The following HSD17B14 variants were observed in gnomAD, a reference collection of about 807,000 sequenced individuals.
HSD17B14 encodes the protein L-fucose dehydrogenase.
In HSD17B14, 32 loss-of-function variants were observed where a neutral mutation model predicts 32.2. The observed-to-expected ratio is 0.99, with a 90% CI of 0.75 to 1.33. The LOEUF (loss-of-function observed/expected upper bound fraction) is 1.33, where lower values mean the gene tolerates loss of function less well. Ranked by LOEUF, HSD17B14 falls within the 40% of genes most tolerant of loss-of-function variation. The probability of loss-of-function intolerance (pLI) is 0.00; values close to 1 mark genes in which losing one functional copy is unlikely to be tolerated. For synonymous variants in HSD17B14, 140 were observed against 155.4 expected (o/e 0.90, Z 0.74); for missense variants, 370 against 366.5 (o/e 1.01, Z -0.08).
At chr19:48,821,320 G>A (rs2035145237) in intron 5 of HSD17B14, among the ~76,000 whole-genome samples, 1 of 152,140 alleles carries the variant, frequency 6.6e-6, no homozygotes, top group African/African-American at 2.4e-5. Flanking sequence ...GCCTCAGAAT[G>A]GATAGATCTT....
rs373446857 is a variant in HSD17B14, at chr19:48,823,064, G to A, written c.370-7923C>T. Among the ~76,000 whole-genome samples, 9 of 152,236 alleles carry A rather than the reference G, an allele frequency of 5.9e-5. No homozygotes were observed. In the South Asian group the frequency reaches 1.7e-3, roughly 28 times the overall value. ...ACAAAGGCAATATGCAAATGTTGTC[G>A]GGATCCTGGTGTGAACAAATCAGCT... On this transcript the variant is annotated intron_variant, in intron 5 of 8. Transcript: ENST00000263278.
intron 5 of HSD17B14, among the ~76,000 whole-genome samples, chr19:48,821,038 A>G: frequency 7.9e-6 from 1 of 126,148 alleles, no homozygotes; most frequent in South Asian, 2.5e-4. Flanking sequence ...TTTTTGACAG[A>G]GTCTCACTCT....
At chr19:48,815,340 C>T (rs1381706204) in intron 5 of HSD17B14, among the ~76,000 whole-genome samples, 199 bp from the exon 6 acceptor site, 1 of 152,118 alleles carries the variant, frequency 6.6e-6, no homozygotes, top group African/African-American at 2.4e-5. Context: ...TCTCAGCACT[C>T]AAGGAGTCTC....
chr19:48,815,666 A>G (rs1568516826), intron 5 of HSD17B14, among the ~76,000 whole-genome samples: 1 of 151,936 alleles, frequency 6.6e-6, no homozygotes, highest in South Asian at 2.1e-4. Flanking sequence ...ACGAGGCATC[A>G]CACCCAGCCA....
chr19:48,836,178 A>C (rs1300373053), intron 1 of HSD17B14, 146 bp downstream of exon 1: 8 of 828,930 alleles, frequency 9.7e-6, no homozygotes, highest in Non-Finnish European at 1.5e-5. Flanking sequence ...CTACAGCGCC[A>C]CACGCTTACT....
At chr19:48,823,719 C>T (rs1010671040) in intron 5 of HSD17B14, among the ~76,000 whole-genome samples, 3 of 150,814 alleles carry the variant, frequency 2.0e-5, no homozygotes, top group African/African-American at 7.3e-5. Context: ...CCACTGCAAC[C>T]TCCACCTCCC....
At position 48,813,339 on chromosome 19, in the gene HSD17B14, G is replaced by A. The variant is rs751179504; in HGVS notation, c.649C>T (p.Arg217Cys). The A allele has an allele frequency of 5.7e-6, 9 of 1,580,658 alleles. No homozygotes were observed. Among genetic ancestry groups the A allele is most frequent in the African/African-American group, 1.3e-5 (1 of 74,280 alleles). ...REGMLAQPLG[R>C]MGQPAEVGAA... Reference sequence around the variant, plus strand: ...CCGACCTCAGCGGGCTGGCCCATGCGGCCCAGTGGCTGGGGAGAAAAGAGG... The same window carrying A: ...CCGACCTCAGCGGGCTGGCCCATGCAGCCCAGTGGCTGGGGAGAAAAGAGG... Residue 217 changes from arginine (R) to cysteine (C), a missense_variant, in exon 9 of 9, where the codon CGC becomes TGC. Coordinates refer to ENST00000263278, the MANE Select transcript of HSD17B14 (RefSeq NM_016246.3).
chr19:48,834,265 A>G lies in HSD17B14; in HGVS notation c.210+11T>C, dbSNP rs773830000. On this transcript the variant is annotated intron_variant, in intron 3 of 8. Transcript: ENST00000263278. ...AGCGGAGATGGGGGTAGGAACAGGAACTCGGCTTACCTTCACATCATCTTC... is the reference window on the plus strand; with the variant it reads ...AGCGGAGATGGGGGTAGGAACAGGAGCTCGGCTTACCTTCACATCATCTTC... The G allele has an allele frequency of 1.9e-6, 3 of 1,610,876 alleles. No homozygotes were observed. In the Admixed American group the frequency reaches 5.0e-5, roughly 27 times the overall value.
intron 1 of HSD17B14, 31 bp from the exon 2 acceptor site, chr19:48,835,874 CG>C: frequency 6.2e-7 from 1 of 1,611,558 alleles, no homozygotes; most frequent in Non-Finnish European, 8.5e-7. Flanking sequence ...GGTTACTCTC[CG>C]AGCCTTGGTT....
At chr19:48,814,961 C>T (rs1044357432) in intron 6 of HSD17B14, 76 bp downstream of exon 6, 1 of 1,123,742 alleles carries the variant, frequency 8.9e-7, no homozygotes, top group African/African-American at 1.5e-5. Flanking sequence ...AGGTCTGGCT[C>T]CTAAGTTGTC....
At position 48,815,128 on chromosome 19, in the gene HSD17B14, T is replaced by C. The variant is rs1408776850; in HGVS notation, c.383A>G (p.Tyr128Cys). 6.2e-7 allele frequency: 1 copy of C among 1,613,654 alleles called. No individual in the cohort carries two copies. The highest frequency in any genetic ancestry group is 8.5e-7 in the Non-Finnish European group (1 of 1,179,796). The change falls in exon 6 of 9, where the codon TAC (tyrosine) becomes TGC (cysteine). Residue 128 changes from tyrosine (Y) to cysteine (C), a missense_variant. Coordinates refer to ENST00000263278, the MANE Select transcript of HSD17B14 (RefSeq NM_016246.3). ...GACATTCCCTTGACTCTTCCGCAGG[T>C]AGGGGAGGGCGAGCTAGGGAGACAA... is the stretch of plus-strand genomic sequence containing the variant. ...TYTLTKLALP[Y>C]LRKSQGNVIN...
At chr19:48,822,596 G>A (rs575285282) in intron 5 of HSD17B14, among the ~76,000 whole-genome samples, 1 of 151,734 alleles carries the variant, frequency 6.6e-6, no homozygotes, top group African/African-American at 2.4e-5. Context: ...TGATGATGAG[G>A]ATGGTGATGG....
intron 6 of HSD17B14, 138 bp from the exon 7 acceptor site, chr19:48,813,868 G>A (rs1456122341): frequency 1.2e-5 from 11 of 918,312 alleles, no homozygotes; most frequent in African/African-American, 8.2e-5. Context: ...GAGGCACCAG[G>A]CTTGGTTTCT....
intron 5 of HSD17B14, 86 bp from the exon 6 acceptor site, chr19:48,815,227 G>GT: frequency 2.0e-6 from 2 of 981,894 alleles, no homozygotes; most frequent in Non-Finnish European, 3.2e-6. Context: ...CCTGATGTCT[G>GT]GGATGACGGC....
intron 2 of HSD17B14, among the ~76,000 whole-genome samples, chr19:48,834,817 G>T (rs1443576984): frequency 6.6e-5 from 6 of 91,438 alleles, no homozygotes; most frequent in Admixed American, 2.1e-4. Context: ...AGGGAGGAGG[G>T]GCTGGGGGCC....
At chr19:48,831,245 C>T (rs887480334) in intron 5 of HSD17B14, among the ~76,000 whole-genome samples, 3 of 152,104 alleles carry the variant, frequency 2.0e-5, no homozygotes, top group African/African-American at 7.2e-5. Flanking sequence ...TGTAGAGATT[C>T]GCAGTCATTT....
intron 5 of HSD17B14, among the ~76,000 whole-genome samples, chr19:48,822,817 G>A (rs569778111): frequency 6.7e-6 from 1 of 148,388 alleles, no homozygotes; most frequent in Non-Finnish European, 1.5e-5. Context: ...GTGAGGTTGG[G>A]GATGGTAATG....
At chr19:48,825,200 T>G (rs2035223491) in intron 5 of HSD17B14, among the ~76,000 whole-genome samples, 2 of 133,706 alleles carry the variant, frequency 1.5e-5, no homozygotes, top group African/African-American at 5.8e-5. Flanking sequence ...ATGGTGCCAC[T>G]GCACTCCAGC....
At position 48,820,868 on chromosome 19, in the gene HSD17B14, TA is replaced by T. The variant is rs923466943; in HGVS notation, c.370-5728del. On this transcript the variant is annotated intron_variant, in intron 5 of 8. Transcript: ENST00000263278. ...AAAGTAAGAAAAAAAAAGACAAAAA[TA>T]AAAAAAAATAAATAAGTAGAGACAG... Among the ~76,000 whole-genome samples, 290 of 150,294 alleles carry T rather than the reference TA, an allele frequency of 1.9e-3. 1 individual carries two copies. Among genetic ancestry groups the T allele is most frequent in the African/African-American group, 6.7e-3 (274 of 41,016 alleles).
Sources: allele counts gnomAD v4.1 joint callset (sites outside exome capture counted in the v4.1 genomes callset), GRCh38; gene constraint gnomAD v4.1.1; transcripts MANE v1.5; gene names NCBI Gene and HGNC (gene_info 2026-07-23, HGNC 2026-07-21).